The following CSDE1 variants were observed in gnomAD, a reference collection of about 807,000 sequenced individuals.
CSDE1 encodes cold shock domain-containing protein E1.
Under a neutral mutation model 89.3 loss-of-function variants are expected in CSDE1, and 17 were observed. That is an observed-to-expected ratio of 0.19 (90% confidence interval 0.13 to 0.29). The LOEUF is 0.29. CSDE1 is among the 10% of genes least tolerant of loss of function. The pLI, the probability that CSDE1 is intolerant of heterozygous loss-of-function variation, is 1.00. For synonymous variants in CSDE1, 322 were observed against 332.8 expected (o/e 0.97, Z 0.35); for missense variants, 672 against 984.2 (o/e 0.68, Z 4.24).
At chr1:114,750,754 A>C (rs1661261533) in intron 1 of CSDE1, among the ~76,000 whole-genome samples, 1 of 152,268 alleles carries the variant, frequency 6.6e-6, no homozygotes, top group Non-Finnish European at 1.5e-5. Context: ...TGGAATTTGA[A>C]GTGAACCTGG....
chr1:114,754,753 A>G (rs10858053), intron 1 of CSDE1, among the ~76,000 whole-genome samples: 68,353 of 152,050 alleles, frequency 0.45, 15,618 homozygotes, highest in South Asian at 0.56. Context: ...ATAAAAAATC[A>G]AACTGACACA....
intron 2 of CSDE1, among the ~76,000 whole-genome samples, chr1:114,745,904 T>C (rs1057019936): frequency 6.6e-6 from 1 of 152,190 alleles, no homozygotes; most frequent in Non-Finnish European, 1.5e-5. Context: ...TTAACATCTC[T>C]GGGATTTTTT....
chr1:114,727,969 A>C (rs904033569), intron 12 of CSDE1: 5 of 152,168 alleles, frequency 3.3e-5, no homozygotes, highest in Non-Finnish European at 7.4e-5. Flanking sequence ...TCTAGCCCTG[A>C]CTTCCTTCCT....
rs758243111 is a variant in CSDE1, at chr1:114,736,810, C to T, written c.448G>A (p.Val150Ile). Residue 150 changes from valine to isoleucine, a missense_variant, in exon 6 of 20, where the codon GTT becomes ATT. Val to Ile is a conservative substitution (Grantham distance 29, BLOSUM62 3). Coordinates refer to ENST00000358528, the MANE Select transcript of CSDE1 (RefSeq NM_001007553.3). The part of the protein sequence containing the change: ...TYTPEDVEGN[V>I]QLETGDKINF... ...ATTTTATCTCCAGTTTCCAGCTGAA[C>T]GTTCCCTTCGACATCTTCAGGGGTG... The T allele has an allele frequency of 3.7e-6, 6 of 1,612,986 alleles. No individual in the cohort carries two copies. Among genetic ancestry groups the T allele is most frequent in the South Asian group, 2.2e-5 (2 of 90,966 alleles).
chr1:114,718,570 G>T (rs768794300), intron 19 of CSDE1, 43 bp downstream of exon 19: 3 of 1,594,724 alleles, frequency 1.9e-6, no homozygotes, highest in Non-Finnish European at 2.6e-6. Flanking sequence ...ATTTTATGTT[G>T]GTCTATCAGT....
chr1:114,738,603 T>C (rs1474159676), intron 3 of CSDE1, among the ~76,000 whole-genome samples: 3 of 150,502 alleles, frequency 2.0e-5, no homozygotes, highest in South Asian at 2.1e-4. Context: ...TTTTTAAAAA[T>C]GCACAGAGGC....
intron 18 of CSDE1, among the ~76,000 whole-genome samples, chr1:114,719,340 C>G (rs1659381968): frequency 6.6e-6 from 1 of 152,074 alleles, no homozygotes; most frequent in Non-Finnish European, 1.5e-5. Flanking sequence ...CATGGCTAAA[C>G]TATTAGAATT....
chr1:114,722,954 T>TA (rs1659606551), intron 16 of CSDE1, among the ~76,000 whole-genome samples: 1 of 152,272 alleles, frequency 6.6e-6, no homozygotes, highest in African/African-American at 2.4e-5. Flanking sequence ...CGCTGACTCT[T>TA]AGATGATGCA....
intron 12 of CSDE1, among the ~76,000 whole-genome samples, 168 bp from the exon 13 acceptor site, chr1:114,727,258 G>A (rs1659846613): frequency 6.6e-6 from 1 of 152,146 alleles, no homozygotes; most frequent in African/African-American, 2.4e-5. Flanking sequence ...AGGTAGTCTT[G>A]CCTTAAGCCT....
At chr1:114,740,250 C>T (rs1401215864) in intron 2 of CSDE1, among the ~76,000 whole-genome samples, 1 of 152,160 alleles carries the variant, frequency 6.6e-6, no homozygotes, top group African/African-American at 2.4e-5. Context: ...TATTAAGAGA[C>T]AGCGACCACA....
At position 114,732,681 on chromosome 1, in the gene CSDE1, G is replaced by A; in HGVS notation, c.973C>T (p.Arg325Cys). Residue 325 changes from arginine to cysteine, a missense_variant, in exon 10 of 20, where the codon CGT becomes TGT. Coordinates refer to ENST00000358528, the MANE Select transcript of CSDE1 (RefSeq NM_001007553.3). Reference sequence around the variant, plus strand: ...TTGGTTGCTCGCTCTAATTTGTCACGTCGGTCTGTTGAAATATTAAACCTA... The same window carrying A: ...TTGGTTGCTCGCTCTAATTTGTCACATCGGTCTGTTGAAATATTAAACCTA... ...HVRFNISTDR[R>C]DKLERATNIE... The A allele has an allele frequency of 1.2e-6, 2 of 1,614,098 alleles. No homozygotes were observed. The highest frequency in any genetic ancestry group is 1.3e-5 in the African/African-American group (1 of 75,020).
chr1:114,727,175 G>A (rs763759955), intron 12 of CSDE1, 85 bp from the exon 13 acceptor site: 7 of 925,726 alleles, frequency 7.6e-6, no homozygotes, highest in Non-Finnish European at 1.2e-5. Context: ...ACATATTCTT[G>A]TGCCAAAGGA....
At chr1:114,757,754 C>T (rs1661697419) in intron 1 of CSDE1, among the ~76,000 whole-genome samples, 171 bp downstream of exon 1, 1 of 152,098 alleles carries the variant, frequency 6.6e-6, no homozygotes, top group East Asian at 1.9e-4. Context: ...GGCAGTTGAA[C>T]GGGAGACGTA....
chr1:114,757,439 C>T (rs1005715384), intron 1 of CSDE1, among the ~76,000 whole-genome samples: 1 of 152,082 alleles, frequency 6.6e-6, no homozygotes, highest in African/African-American at 2.4e-5. Context: ...TCAAAGTAGG[C>T]CCCTCTTCTC....
chr1:114,755,984 A>G (rs996981055), intron 1 of CSDE1, among the ~76,000 whole-genome samples: 5 of 152,314 alleles, frequency 3.3e-5, no homozygotes, highest in African/African-American at 1.2e-4. Context: ...GCATAATTTG[A>G]TATTTTAGCA....
intron 1 of CSDE1, among the ~76,000 whole-genome samples, chr1:114,756,284 C>T (rs1320306432): frequency 1.3e-5 from 2 of 152,128 alleles, no homozygotes; most frequent in Admixed American, 1.3e-4. Flanking sequence ...GCTGCAAAAC[C>T]AAACTATTAC....
Position 114,743,144 on chromosome 1 carries a change from T to TTTAA in CSDE1, c.1-3258_1-3255dup, listed in dbSNP as rs577138541. ...TGCTTCTTTCATGTTTGTTTGTTTA[T>TTTAA]TTAATTAATTAATTTATTTTTGAGA... On this transcript the variant is annotated intron_variant, in intron 2 of 19. Coordinates refer to ENST00000358528, the MANE Select transcript of CSDE1 (RefSeq NM_001007553.3). Among the ~76,000 whole-genome samples the TTTAA allele has an allele frequency of 3.0e-4, 45 of 152,342 alleles. No homozygotes were observed. In the East Asian group the frequency reaches 6.9e-3, roughly 23 times the overall value.
At position 114,737,534 on chromosome 1, in the gene CSDE1, C is replaced by T; in HGVS notation, c.339G>A (p.Glu113=). The T allele has an allele frequency of 1.2e-6, 2 of 1,613,854 alleles. No individual in the cohort carries two copies. Among genetic ancestry groups the T allele is most frequent in the East Asian group, 2.2e-5 (1 of 44,866 alleles). The change falls in exon 5 of 20, where the codon GAG becomes GAA. Residue 113 remains glutamate (E), a synonymous_variant. Transcript: ENST00000358528. ...QVVCAVPHNL[E]SKSPAAPGQS... ...GACCCGGGGCAGCTGGAGATTTACT[C>T]TCTAAGTTGTGAGGAACAGCGCACA...
At chr1:114,751,790 TC>T (rs751384388) in intron 1 of CSDE1, among the ~76,000 whole-genome samples, 1 of 152,164 alleles carries the variant, frequency 6.6e-6, no homozygotes, top group African/African-American at 2.4e-5. Flanking sequence ...TCTTGATTCT[TC>T]CCCTCTCCAT....
Sources: allele counts gnomAD v4.1 joint callset (sites outside exome capture counted in the v4.1 genomes callset), GRCh38; gene constraint gnomAD v4.1.1; transcripts MANE v1.5; gene names NCBI Gene and HGNC (gene_info 2026-07-23, HGNC 2026-07-21).